Variants in TXNDC11 observed in about 807,000 individuals in gnomAD.
TXNDC11 encodes thioredoxin domain containing 11, also known as thioredoxin domain-containing protein 11.
TXNDC11 carries 68 observed loss-of-function variants against 78.0 expected under a neutral mutation model. The observed-to-expected ratio is 0.87, with a 90% confidence interval of 0.72 to 1.07. The LOEUF (loss-of-function observed/expected upper bound fraction) is 1.07. Ranked by LOEUF, TXNDC11 falls within the 50% of genes least tolerant of loss-of-function variation. TXNDC11 has a pLI of 0.00. For missense variants in TXNDC11, 1,389 were observed against 1,221.8 expected (o/e 1.14, Z -2.04); for synonymous variants, 571 against 495.2 (o/e 1.15, Z -2.03).
At chr16:11,732,845 A>T (rs1360430949) in intron 3 of TXNDC11, among the ~76,000 whole-genome samples, 2 of 152,188 alleles carry the variant, frequency 1.3e-5, no homozygotes, top group Non-Finnish European at 2.9e-5. Context: ...ATCCCCATTG[A>T]TTATGGCCCA....
chr16:11,709,575 C>T (rs2051282718), intron 5 of TXNDC11, among the ~76,000 whole-genome samples: 1 of 151,338 alleles, frequency 6.6e-6, no homozygotes, highest in Non-Finnish European at 1.5e-5. Flanking sequence ...GCTGGGACTA[C>T]AGGCGCCCGC....
At chr16:11,691,177 T>C (rs966864100) in intron 8 of TXNDC11, 113 bp downstream of exon 8, 20 of 868,616 alleles carry the variant, frequency 2.3e-5, no homozygotes, top group Middle Eastern at 4.6e-4. Context: ...TAAAATGAGC[T>C]ACGAAGGTGA....
chr16:11,719,960 T>C (rs1281888992), intron 5 of TXNDC11, among the ~76,000 whole-genome samples: 1 of 152,130 alleles, frequency 6.6e-6, no homozygotes, highest in Non-Finnish European at 1.5e-5. Context: ...GACTAGCATA[T>C]GCAAAGGCCA....
At chr16:11,685,389 T>A (rs886501672) in intron 10 of TXNDC11, among the ~76,000 whole-genome samples, 2 of 151,276 alleles carry the variant, frequency 1.3e-5, no homozygotes, top group Non-Finnish European at 2.9e-5. Flanking sequence ...CTCACGTCTG[T>A]AATCCCAGCA....
chr16:11,682,450 C>T (rs908396739), intron 11 of TXNDC11, among the ~76,000 whole-genome samples: 5 of 152,230 alleles, frequency 3.3e-5, no homozygotes, highest in African/African-American at 1.2e-4. Flanking sequence ...ACGTTTCCCA[C>T]ACCAGGCAGC....
chr16:11,698,384 G>A (rs2050917982), intron 6 of TXNDC11, 59 bp from the exon 7 acceptor site: 1 of 1,500,416 alleles, frequency 6.7e-7, no homozygotes. Context: ...GCAAGCTCAA[G>A]GCACATCAGT....
intron 5 of TXNDC11, among the ~76,000 whole-genome samples, chr16:11,710,762 C>T (rs1410820544): frequency 6.6e-6 from 1 of 152,154 alleles, no homozygotes; most frequent in African/African-American, 2.4e-5. Flanking sequence ...CTGCAATGAG[C>T]CGTGACTGTG....
chr16:11,679,723 A>T lies in TXNDC11; in HGVS notation c.2349T>A (p.Ser783=), dbSNP rs771926833. The T allele has an allele frequency of 6.2e-7, 1 of 1,614,148 alleles. No homozygotes were observed. Among genetic ancestry groups the T allele is most frequent in the Non-Finnish European group, 8.5e-7 (1 of 1,180,024 alleles). The stretch of plus-strand genomic sequence containing the variant: ...CGCTCTGAAGACACTCCTTGGTAGG[A>T]GAGTTAGCCACATTCTGGGGGCTGG... The part of the protein sequence containing the change: ...PASSPQNVAN[S]PTKECLQSEA... The change falls in exon 12 of 12, where the codon TCT becomes TCA. Residue 783 remains serine, a synonymous_variant. Coordinates refer to ENST00000283033, the MANE Select transcript of TXNDC11 (RefSeq NM_015914.7). This position sits in a 1 kb window ranked among gnomAD's most constrained non-coding sequence, Gnocchi z 4.6.
chr16:11,707,922 A>C (rs2051230905), intron 5 of TXNDC11, among the ~76,000 whole-genome samples: 1 of 151,864 alleles, frequency 6.6e-6, no homozygotes, highest in African/African-American at 2.4e-5. Context: ...AGCTCTAAAA[A>C]AATTTTTAAA....
chr16:11,730,907 A>C lies in TXNDC11; in HGVS notation c.570-133T>G, dbSNP rs1036993509. 2.0e-5 allele frequency: 13 copies of C among 637,962 alleles called. 1 individual carries two copies. The highest frequency in any genetic ancestry group is 9.5e-5 in the South Asian group (2 of 20,948). The allele number at this position is 637,962 out of a possible 1,614,324, so 39.5% of individuals were successfully genotyped here. Reference sequence around the variant, plus strand: ...TTGCTTTGGGATCCAACCAAGTCACAGATCAGTAGCCTGCTTTGCTCAGGA... The same window carrying C: ...TTGCTTTGGGATCCAACCAAGTCACCGATCAGTAGCCTGCTTTGCTCAGGA... On this transcript the variant is annotated intron_variant, in intron 3 of 11. Transcript: ENST00000283033.
At chr16:11,731,205 G>A (rs1487901443) in intron 3 of TXNDC11, among the ~76,000 whole-genome samples, 1 of 152,182 alleles carries the variant, frequency 6.6e-6, no homozygotes, top group African/African-American at 2.4e-5. Context: ...TCACTGTGAG[G>A]TAAGGGACAG....
At chr16:11,703,509 TACACAC>T (rs34963301) in intron 5 of TXNDC11, among the ~76,000 whole-genome samples, 3,998 of 144,858 alleles carry the variant, frequency 0.028, 152 homozygotes, top group African/African-American at 0.091. Context: ...AGGCTTTTGA[TACACAC>T]ACACACACAC....
Position 11,698,617 on chromosome 16 carries a change from G to A in TXNDC11, c.907-292C>T, listed in dbSNP as rs894151375. 4.6e-5 allele frequency among the ~76,000 whole-genome samples: 7 copies of A among 152,240 alleles called. No individual in the cohort carries two copies. In the East Asian group the frequency reaches 9.6e-4, roughly 21 times the overall value. Reference sequence around the variant, plus strand: ...ATAATTCTCCCTGCCAGCTGGTGGCGATAACAACCTCTATCACCCTGTCCA... The same window carrying A: ...ATAATTCTCCCTGCCAGCTGGTGGCAATAACAACCTCTATCACCCTGTCCA... On this transcript the variant is annotated intron_variant, in intron 6 of 11. Coordinates refer to ENST00000283033, the MANE Select transcript of TXNDC11 (RefSeq NM_015914.7).
chr16:11,741,591 G>C (rs1427675706), intron 1 of TXNDC11, among the ~76,000 whole-genome samples: 1 of 152,240 alleles, frequency 6.6e-6, no homozygotes, highest in East Asian at 1.9e-4. Flanking sequence ...ACTTCCTTAG[G>C]AAGTCTTTCC....
chr16:11,741,298 G>A (rs1414925685), intron 1 of TXNDC11, among the ~76,000 whole-genome samples: 1 of 152,134 alleles, frequency 6.6e-6, no homozygotes, highest in Non-Finnish European at 1.5e-5. Context: ...TTATAAACTG[G>A]AATCCCAAAA....
In TXNDC11 at chr16:11,685,660, C is replaced by A. The variant is rs1166976984; in HGVS notation, c.2154-1415G>T. Among the ~76,000 whole-genome samples, 5 of 150,562 alleles carry A rather than the reference C, an allele frequency of 3.3e-5. 1 individual carries two copies. In the South Asian group the frequency reaches 1.1e-3, roughly 32 times the overall value. ...CAAGACTCCATCTCAAAAAAAAAAA[C>A]AAAAACAAAAAACAACAACAGCAAC... On this transcript the variant is annotated intron_variant, in intron 10 of 11. Transcript: ENST00000283033.
Position 11,691,697 on chromosome 16 carries a change from G to A in TXNDC11, c.1493C>T (p.Ser498Phe). ...DSIECSNFLTSYSPFSYYTAC... is the reference protein window; with the variant it reads ...DSIECSNFLTFYSPFSYYTAC... ...AGTGTAGTAGCTGAAGGGGCTATAG[G>A]AAGTTAAAAAATTGCTGCATTCTAT... The change falls in exon 8 of 12, where the codon TCC becomes TTC. Residue 498 changes from serine (S) to phenylalanine (F), a missense_variant. Physicochemically the swap from Ser to Phe is radical, Grantham distance 155 (BLOSUM62 -2). Transcript: ENST00000283033. 1 of 1,614,198 alleles carries A rather than the reference G, an allele frequency of 6.2e-7. No homozygotes were observed. The highest frequency in any genetic ancestry group is 8.5e-7 in the Non-Finnish European group (1 of 1,180,052).
intron 5 of TXNDC11, among the ~76,000 whole-genome samples, chr16:11,714,045 G>C (rs2051447352): frequency 8.6e-6 from 1 of 115,910 alleles, no homozygotes; most frequent in African/African-American, 3.2e-5. Context: ...CTATCCTTCA[G>C]ATTTTTTTTT....
At chr16:11,701,797 G>A (rs943931832) in intron 5 of TXNDC11, among the ~76,000 whole-genome samples, 1 of 152,130 alleles carries the variant, frequency 6.6e-6, no homozygotes, top group African/African-American at 2.4e-5. Flanking sequence ...TATTTGATGT[G>A]ATGCTGGTGG....
Sources: gnomAD v4.1 joint callset for allele counts (sites outside exome capture counted in the v4.1 genomes callset) on GRCh38, gnomAD v4.1.1 for gene constraint, Gnocchi (gnomAD v3.1) non-coding constraint, MANE v1.5 for transcripts, NCBI Gene and HGNC (gene_info 2026-07-23, HGNC 2026-07-21) for gene names.